Variants in ODR4 observed in about 807,000 individuals in gnomAD.
ODR4 encodes the protein odr-4 GPCR localization factor homolog.
In ODR4, 47 loss-of-function variants were observed where a neutral mutation model predicts 60.2. That is an observed-to-expected ratio of 0.78 (90% CI 0.62 to 1.00). The LOEUF (loss-of-function observed/expected upper bound fraction) is 1.00, where lower values mean the gene tolerates loss of function less well. ODR4 is among the 50% of genes least tolerant of loss of function. ODR4 has a pLI of 0.00. For missense variants in ODR4, 488 were observed against 530.8 expected, an observed-to-expected ratio of 0.92 and a Z score of 0.79; for synonymous variants, 178 against 175.5, an observed-to-expected ratio of 1.01 and a Z score of -0.11.
In ODR4 at chr1:186,375,897, T is replaced by C. The variant is rs1160646992; in HGVS notation, c.-97T>C. Reference sequence around the variant, plus strand: ...GAATCTGGCCCCTAGAGGCTGGTACTTGGGCCCGAAACCCCCATCTCCGGC... The same window carrying C: ...GAATCTGGCCCCTAGAGGCTGGTACCTGGGCCCGAAACCCCCATCTCCGGC... On this transcript the variant is annotated 5_prime_UTR_variant, in exon 1 of 14. Coordinates refer to ENST00000287859, the MANE Select transcript of ODR4 (RefSeq NM_017847.6). 4.8e-6 allele frequency: 1 copy of C among 206,406 alleles called. No homozygotes were observed. The highest frequency in any genetic ancestry group is 1.1e-4 in the East Asian group (1 of 8,904). 12.8% of individuals were successfully genotyped at this position (206,406 alleles called of 1,614,324 possible).
At chr1:186,378,632 G>C (rs560225022) in intron 1 of ODR4, among the ~76,000 whole-genome samples, 4 of 152,288 alleles carry the variant, frequency 2.6e-5, no homozygotes, top group Non-Finnish European at 5.9e-5. Flanking sequence ...CATTATGAGC[G>C]TGGTGTTGAA....
At chr1:186,425,471 A>G (rs1661866904), downstream of ODR4, among the ~76,000 whole-genome samples, 2 of 151,878 alleles carry the variant, frequency 1.3e-5, no homozygotes, top group Admixed American at 6.6e-5. Flanking sequence ...GTGGTTCTCA[A>G]CTCTTGGCTC....
At position 186,420,571 on chromosome 1, in the gene ODR4, A is replaced by C. The variant is rs912538665; in HGVS notation, c.*1495A>C. ...GTTGGAACCACAGGCAGATCTGAAA[A>C]AGAACCAAATAGAGCTCCTAAAAAT... On this transcript the variant is annotated 3_prime_UTR_variant, in exon 14 of 14. Coordinates refer to ENST00000287859, the MANE Select transcript of ODR4 (RefSeq NM_017847.6). 5 of 152,240 alleles carry C rather than the reference A, an allele frequency of 3.3e-5. No individual in the cohort carries two copies. The highest frequency in any genetic ancestry group is 1.2e-4 in the African/African-American group (5 of 41,464). The allele number at this position is 152,240 out of a possible 1,614,324, so 9.4% of individuals were successfully genotyped here.
chr1:186,430,331 A>G, the ODR4 span, among the ~76,000 whole-genome samples: 8 of 152,254 alleles, frequency 5.3e-5, no homozygotes, highest in Non-Finnish European at 1.0e-4. Context: ...AGCACTGTAC[A>G]AAAATCCTTA....
intron 3 of ODR4, among the ~76,000 whole-genome samples, chr1:186,384,579 A>T (rs919727650): frequency 6.6e-6 from 1 of 151,758 alleles, no homozygotes; most frequent in Non-Finnish European, 1.5e-5. Context: ...TATGACACAC[A>T]CACACACACA....
intron 11 of ODR4, among the ~76,000 whole-genome samples, chr1:186,400,014 C>T (rs1237439319): frequency 5.9e-5 from 6 of 102,104 alleles, no homozygotes; most frequent in Admixed American, 4.0e-4. Context: ...TTTTTTGAGA[C>T]GGAGTTTCGC....
chr1:186,415,874 C>T (rs147931869), intron 12 of ODR4, among the ~76,000 whole-genome samples: 318 of 152,274 alleles, frequency 2.1e-3, no homozygotes, highest in African/African-American at 7.0e-3. Flanking sequence ...CTGTGATGGT[C>T]GAAATGCACT....
chr1:186,376,283 CATT>C (rs766682182), intron 1 of ODR4, among the ~76,000 whole-genome samples: 19 of 152,102 alleles, frequency 1.2e-4, no homozygotes, highest in Non-Finnish European at 2.2e-4. Flanking sequence ...GGTTACCTAA[CATT>C]ATATTGTTTT....
At chr1:186,402,266 C>T (rs2102064635) in intron 11 of ODR4, among the ~76,000 whole-genome samples, 1 of 105,264 alleles carries the variant, frequency 9.5e-6, no homozygotes, top group East Asian at 2.7e-4. Flanking sequence ...TCCCTCCCTC[C>T]TTCCCTTCCT....
chr1:186,382,884 G>A (rs1032419057), intron 2 of ODR4, 138 bp from the exon 3 acceptor site: 1 of 788,746 alleles, frequency 1.3e-6, no homozygotes, highest in African/African-American at 1.8e-5. Context: ...CCATTATAAT[G>A]TGGGTATTAA....
rs983131417 is a variant in ODR4, at chr1:186,420,056, A to C, written c.*980A>C. On this transcript the variant is annotated 3_prime_UTR_variant, in exon 14 of 14. Transcript: ENST00000287859. ...ATGTTAGACTAGATATTATAAAACA[A>C]CTAGATCCTGAATAAAATCTGCTTT... 2 of 152,206 alleles carry C rather than the reference A, an allele frequency of 1.3e-5. No individual in the cohort carries two copies. Among genetic ancestry groups the C allele is most frequent in the African/African-American group, 2.4e-5 (1 of 41,454 alleles). The allele number at this position is 152,206 out of a possible 1,614,324, so 9.4% of individuals were successfully genotyped here.
At chr1:186,433,082 C>A in the ODR4 span, among the ~76,000 whole-genome samples, 1 of 152,048 alleles carries the variant, frequency 6.6e-6, no homozygotes, top group Non-Finnish European at 1.5e-5. Flanking sequence ...CCGCACCCGG[C>A]CAGATATTTA....
intron 11 of ODR4, 34 bp from the exon 12 acceptor site, chr1:186,406,049 A>T: frequency 7.0e-7 from 1 of 1,432,108 alleles, no homozygotes; most frequent in South Asian, 1.5e-5. Flanking sequence ...TGACAAACCT[A>T]TCTAAATATT....
intron 7 of ODR4, among the ~76,000 whole-genome samples, chr1:186,391,065 A>G (rs1660450474): frequency 1.3e-5 from 2 of 152,196 alleles, no homozygotes; most frequent in African/African-American, 4.8e-5. Context: ...CAGTTTAATA[A>G]TAACTAATAA....
At chr1:186,390,659 GTATTT>G in intron 6 of ODR4, 47 bp from the exon 7 acceptor site, 1 of 1,561,280 alleles carries the variant, frequency 6.4e-7, no homozygotes, top group Admixed American at 1.7e-5. Flanking sequence ...GTTGATCCAT[GTATTT>G]TATCTAGACT....
intron 4 of ODR4, among the ~76,000 whole-genome samples, chr1:186,387,708 CCT>C (rs1660307025): frequency 1.3e-5 from 2 of 152,192 alleles, no homozygotes; most frequent in Admixed American, 1.3e-4. Flanking sequence ...GGTTGTGCCT[CCT>C]CTGATGATTG....
Position 186,405,842 on chromosome 1 carries a change from G to A in ODR4, c.1001-241G>A, listed in dbSNP as rs181842087. Among the ~76,000 whole-genome samples, 717 of 152,166 alleles carry A rather than the reference G, an allele frequency of 4.7e-3. 5 individuals are homozygous for A. The highest frequency in any genetic ancestry group is 0.014 in the African/African-American group (568 of 41,522). ...GCTGGGATTACAGGCATGAGCCACC[G>A]CGCCTGGAGATAAGTTTATTTTTCA... On this transcript the variant is annotated intron_variant, in intron 11 of 13. Transcript: ENST00000287859.
rs369691058 is a variant in ODR4, at chr1:186,401,514, CTCCT to C, written c.1000+2487_1000+2490del. On this transcript the variant is annotated intron_variant, in intron 11 of 13. Transcript: ENST00000287859. ...TTTCTTTCTTTCTCTCTCTCTCTCTCTCCTTCCTTCCTTCCTTCCTCTCTTTCTC... is the reference window on the plus strand; with the variant it reads ...TTTCTTTCTTTCTCTCTCTCTCTCTCTCCTTCCTTCCTTCCTCTCTTTCTC... 1,066 of 191,880 alleles carry C rather than the reference CTCCT, an allele frequency of 5.6e-3. 16 individuals carry two copies. Among genetic ancestry groups the C allele is most frequent in the African/African-American group, 0.023 (961 of 41,206 alleles). 11.9% of individuals were successfully genotyped at this position (191,880 alleles called of 1,614,324 possible).
At chr1:186,383,682 T>G (rs1486477773) in intron 3 of ODR4, among the ~76,000 whole-genome samples, 4 of 150,616 alleles carry the variant, frequency 2.7e-5, no homozygotes, top group South Asian at 4.2e-4. Context: ...TATGTAGATA[T>G]ATATATATAT....
Sources: gnomAD v4.1 joint callset for allele counts (sites outside exome capture counted in the v4.1 genomes callset) on GRCh38, gnomAD v4.1.1 for gene constraint, MANE v1.5 for transcripts, NCBI Gene and HGNC (gene_info 2026-07-23, HGNC 2026-07-21) for gene names.